The following LSAMP variants were observed in gnomAD, a reference collection of about 807,000 sequenced individuals.
The protein encoded by LSAMP is limbic system-associated membrane protein.
Under a neutral mutation model 38.6 loss-of-function variants are expected in LSAMP, and 7 were observed. That is an observed-to-expected ratio of 0.18 (90% CI 0.10 to 0.34). The LOEUF (loss-of-function observed/expected upper bound fraction) is 0.34, where lower values mean the gene tolerates loss of function less well. Ranked by LOEUF, LSAMP falls within the 10% of genes least tolerant of loss-of-function variation. The pLI, the probability that LSAMP is intolerant of heterozygous loss-of-function variation, is 1.00. For synonymous variants in LSAMP, 154 were observed against 166.8 expected (o/e 0.92, Z 0.59); for missense variants, 313 against 420.0 (o/e 0.75, Z 2.23).
chr3:115,923,450 T>C (rs1027903375), intron 3 of LSAMP, among the ~76,000 whole-genome samples: 1 of 152,194 alleles, frequency 6.6e-6, no homozygotes, highest in Non-Finnish European at 1.5e-5. Flanking sequence ...GGATTTCTCA[T>C]AAAGATATTT....
intron 3 of LSAMP, among the ~76,000 whole-genome samples, chr3:115,891,049 C>A (rs949389626): frequency 6.6e-6 from 1 of 151,958 alleles, no homozygotes; most frequent in Non-Finnish European, 1.5e-5. Flanking sequence ...TACTATACTT[C>A]TGCCTTCTGT....
intron 3 of LSAMP, among the ~76,000 whole-genome samples, chr3:115,973,657 C>A (rs1360268949): frequency 6.6e-6 from 1 of 152,032 alleles, no homozygotes; most frequent in Non-Finnish European, 1.5e-5. Context: ...TCACTTGAAC[C>A]CGGGAGGTGG....
At chr3:115,998,228 C>T (rs983403197) in intron 3 of LSAMP, among the ~76,000 whole-genome samples, 1 of 151,840 alleles carries the variant, frequency 6.6e-6, no homozygotes, top group Non-Finnish European at 1.5e-5. Context: ...ATAATAATCC[C>T]TGGATTTCAT....
chr3:115,918,146 A>T (rs1444163216), intron 3 of LSAMP, among the ~76,000 whole-genome samples: 1 of 152,142 alleles, frequency 6.6e-6, no homozygotes, highest in South Asian at 2.1e-4. Context: ...TGGGGGACAA[A>T]GAAGGATTTT....
At chr3:116,017,721 T>C (rs1413636972) in intron 3 of LSAMP, among the ~76,000 whole-genome samples, 1 of 152,132 alleles carries the variant, frequency 6.6e-6, no homozygotes, top group East Asian at 1.9e-4. Context: ...AACGATTGCT[T>C]AGGAAAAAAG....
chr3:115,855,590 C>A (rs1240407713), intron 3 of LSAMP, among the ~76,000 whole-genome samples: 1 of 152,188 alleles, frequency 6.6e-6, no homozygotes, highest in Non-Finnish European at 1.5e-5. Context: ...AAAGTGGGAG[C>A]AGGCTCAAGG....
In LSAMP at chr3:116,074,161, A is replaced by G. The variant is rs1279392836; in HGVS notation, c.388+12163T>C. On this transcript the variant is annotated intron_variant, in intron 2 of 6. Transcript: ENST00000490035. ...ATATCTATTAAAAATTCTAATTCTA[A>G]GGTAGGTGCACTGGAATCTTAAAGC... Among the ~76,000 whole-genome samples, 3 of 152,302 alleles carry G rather than the reference A, an allele frequency of 2.0e-5. No individual in the cohort carries two copies. In the East Asian group the frequency reaches 5.8e-4, roughly 29 times the overall value.
At chr3:116,116,863 C>T (rs1279955758) in intron 1 of LSAMP, among the ~76,000 whole-genome samples, 2 of 152,154 alleles carry the variant, frequency 1.3e-5, no homozygotes, top group Non-Finnish European at 2.9e-5. Flanking sequence ...CTCTGGCCAA[C>T]AGTCCAGCCT....
At chr3:115,968,360 G>T (rs1423614298) in intron 3 of LSAMP, among the ~76,000 whole-genome samples, 3 of 152,000 alleles carry the variant, frequency 2.0e-5, no homozygotes, top group Non-Finnish European at 2.9e-5. Context: ...TTACTATCTG[G>T]GTATTGCTGC....
At chr3:116,108,798 G>A (rs1277306329) in intron 1 of LSAMP, among the ~76,000 whole-genome samples, 1 of 152,158 alleles carries the variant, frequency 6.6e-6, no homozygotes, top group Non-Finnish European at 1.5e-5. Flanking sequence ...GGGGGAGGAG[G>A]TTCTGGAGGA....
chr3:115,891,872 C>T (rs1936608576), intron 3 of LSAMP, among the ~76,000 whole-genome samples: 2 of 152,060 alleles, frequency 1.3e-5, no homozygotes, highest in South Asian at 4.2e-4. Flanking sequence ...AAGGGAAGTT[C>T]AGTTGGTTCT....
chr3:116,169,973 GA>G (rs1710157039), intron 1 of LSAMP, among the ~76,000 whole-genome samples: 1 of 152,096 alleles, frequency 6.6e-6, no homozygotes. Flanking sequence ...AATTTCCAGC[GA>G]ATTAACGAGC....
At chr3:116,239,778 T>A (rs2046508321) in intron 1 of LSAMP, among the ~76,000 whole-genome samples, 1 of 152,186 alleles carries the variant, frequency 6.6e-6, no homozygotes, top group Admixed American at 6.5e-5. Flanking sequence ...GATTTAAAAA[T>A]TATTCTAAAT....
intron 2 of LSAMP, among the ~76,000 whole-genome samples, chr3:116,071,786 TC>T (rs1457129491): frequency 6.6e-6 from 1 of 152,118 alleles, no homozygotes; most frequent in East Asian, 1.9e-4. Flanking sequence ...TGTGTGTTGT[TC>T]CCCCTCAAGT....
chr3:116,430,251 G>C (rs1192980189), intron 1 of LSAMP, among the ~76,000 whole-genome samples: 2 of 151,822 alleles, frequency 1.3e-5, no homozygotes, highest in African/African-American at 2.4e-5. Flanking sequence ...AAATAATAGA[G>C]GCATGAATAT....
chr3:115,938,418 A>G (rs938730746), intron 3 of LSAMP, among the ~76,000 whole-genome samples: 3 of 152,218 alleles, frequency 2.0e-5, no homozygotes, highest in Admixed American at 6.5e-5. Flanking sequence ...CATTCTTTCT[A>G]TAATGAGTTC....
chr3:116,049,165 G>A (rs1046965156), intron 2 of LSAMP, among the ~76,000 whole-genome samples: 8 of 152,146 alleles, frequency 5.3e-5, no homozygotes, highest in African/African-American at 1.9e-4. Context: ...TAGCTTTAAT[G>A]GGATTTACTG....
chr3:115,892,432 C>T (rs1936623018), intron 3 of LSAMP, among the ~76,000 whole-genome samples: 1 of 151,906 alleles, frequency 6.6e-6, no homozygotes, highest in Non-Finnish European at 1.5e-5. Context: ...ATAAACTATC[C>T]AAACTATGTG....
intron 1 of LSAMP, among the ~76,000 whole-genome samples, chr3:116,118,514 A>G (rs1708803423): frequency 6.6e-6 from 1 of 152,190 alleles, no homozygotes; most frequent in African/African-American, 2.4e-5. Flanking sequence ...CCATTCTTGT[A>G]TATTTGTCTT....
Sources: gnomAD v4.1 joint callset for allele counts (sites outside exome capture counted in the v4.1 genomes callset) on GRCh38, gnomAD v4.1.1 for gene constraint, MANE v1.5 for transcripts, NCBI Gene and HGNC (gene_info 2026-07-23, HGNC 2026-07-21) for gene names.